The following SRL variants were observed in gnomAD, a reference collection of about 807,000 sequenced individuals.
SRL encodes the protein sarcalumenin.
SRL carries 23 observed loss-of-function variants against 39.5 expected under a neutral mutation model. The observed-to-expected ratio is 0.58, with a 90% CI of 0.42 to 0.82. The LOEUF (loss-of-function observed/expected upper bound fraction) is 0.82. SRL is among the 40% of genes least tolerant of loss of function. The pLI is 0.00. For missense variants in SRL, 592 were observed against 607.8 expected, an observed-to-expected ratio of 0.97 and a Z score of 0.27; for synonymous variants, 272 against 237.4, an observed-to-expected ratio of 1.15 and a Z score of -1.34.
chr16:4,202,984 C>T (rs567676004), intron 3 of SRL, among the ~76,000 whole-genome samples, 182 bp downstream of exon 3: 12 of 152,326 alleles, frequency 7.9e-5, no homozygotes, highest in Non-Finnish European at 1.5e-4. Context: ...ATGGAGGTGT[C>T]GTCCTTTCCA....
intron 1 of SRL, chr16:4,207,040 CG>C: frequency 2.2e-6 from 1 of 452,612 alleles, no homozygotes; most frequent in South Asian, 1.6e-5. Context: ...TGGGACTCCT[CG>C]GCTTCCTGCA....
At chr16:4,205,368 C>A (rs1327757145) in intron 1 of SRL, among the ~76,000 whole-genome samples, 1 of 152,136 alleles carries the variant, frequency 6.6e-6, no homozygotes, top group Non-Finnish European at 1.5e-5. Context: ...TAGGAGAATG[C>A]CTTTTGGCTT....
intron 2 of SRL, among the ~76,000 whole-genome samples, chr16:4,204,047 C>T (rs367560948): frequency 6.6e-5 from 10 of 152,220 alleles, no homozygotes; most frequent in South Asian, 2.1e-4. Flanking sequence ...CTCTACCCCT[C>T]GATCCGCCAC....
intron 1 of SRL, among the ~76,000 whole-genome samples, chr16:4,240,761 C>G (rs13336231): frequency 0.07 from 10,653 of 152,150 alleles, 1,283 homozygotes; most frequent in African/African-American, 0.24. Flanking sequence ...AGCACAGGAG[C>G]GGCCACGAAG....
At chr16:4,209,060 G>C (rs1377321212) in intron 1 of SRL, among the ~76,000 whole-genome samples, 1 of 152,162 alleles carries the variant, frequency 6.6e-6, no homozygotes, top group Non-Finnish European at 1.5e-5. Context: ...ATCACCTGAG[G>C]TTGGGAGTTT....
intron 1 of SRL, among the ~76,000 whole-genome samples, chr16:4,209,198 G>A (rs754385396): frequency 1.5e-4 from 23 of 152,050 alleles, no homozygotes; most frequent in Admixed American, 4.6e-4. Context: ...GACTTGAACC[G>A]GGAGGTGGAG....
chr16:4,239,009 G>A lies in SRL; in HGVS notation c.61+2998C>T, dbSNP rs370501359. On this transcript the variant is annotated intron_variant, in intron 1 of 5. Coordinates refer to ENST00000399609, the MANE Select transcript of SRL (RefSeq NM_001098814.2). The stretch of plus-strand genomic sequence containing the variant: ...ACTGTGGGACCAGATGTCCCCTACA[G>A]GCTTGCCCGGCTGCACCAAATGAGG... Among the ~76,000 whole-genome samples the A allele has an allele frequency of 2.2e-3, 334 of 152,232 alleles. 2 individuals are homozygous for A. Among genetic ancestry groups the A allele is most frequent in the African/African-American group, 7.7e-3 (321 of 41,560 alleles).
chr16:4,227,981 G>T (rs969882449), intron 1 of SRL, among the ~76,000 whole-genome samples: 1 of 152,246 alleles, frequency 6.6e-6, no homozygotes, highest in African/African-American at 2.4e-5. Flanking sequence ...AGGAAGTGAA[G>T]TCATTTGGGG....
At chr16:4,232,564 G>C (rs1232510848) in intron 1 of SRL, among the ~76,000 whole-genome samples, 1 of 151,860 alleles carries the variant, frequency 6.6e-6, no homozygotes, top group Non-Finnish European at 1.5e-5. Context: ...AGACTGGAGT[G>C]CACTGGCACA....
chr16:4,216,081 T>C (rs751093585), intron 1 of SRL, among the ~76,000 whole-genome samples: 3 of 151,688 alleles, frequency 2.0e-5, no homozygotes, highest in Admixed American at 6.6e-5. Flanking sequence ...TTTTAACCCA[T>C]AGAGTCCTGA....
chr16:4,228,480 A>T (rs1281858841), intron 1 of SRL, among the ~76,000 whole-genome samples: 1 of 152,036 alleles, frequency 6.6e-6, no homozygotes, highest in East Asian at 1.9e-4. Flanking sequence ...TCACACCTAC[A>T]ATCCCAGCAC....
At chr16:4,216,287 A>AT (rs1272381331) in intron 1 of SRL, among the ~76,000 whole-genome samples, 1 of 151,872 alleles carries the variant, frequency 6.6e-6, no homozygotes, top group Non-Finnish European at 1.5e-5. Flanking sequence ...GTATTTATTT[A>AT]TTTTTTGAGA....
chr16:4,192,228 C>T lies in SRL; in HGVS notation c.1347G>A (p.Gly449=), dbSNP rs1469443806. 1 of 1,608,694 alleles carries T rather than the reference C, an allele frequency of 6.2e-7. No homozygotes were observed. The highest frequency in any genetic ancestry group is 1.7e-5 in the Admixed American group (1 of 58,904). ...CACAGTTGAGAGCACCTGGATTCTT[C>T]CCGAGCCCGAGGCTACCCAGGAGGC... ...LPGLLGSLGL[G]KNPGALNCDK... Residue 449 remains glycine (G), a synonymous_variant, in exon 6 of 6, where the codon GGG becomes GGA. Transcript: ENST00000399609. The surrounding 1 kb of genome is among the most constrained non-coding windows in gnomAD (Gnocchi z 4.0).
chr16:4,222,360 C>T (rs1412209867), intron 1 of SRL, among the ~76,000 whole-genome samples: 3 of 152,188 alleles, frequency 2.0e-5, no homozygotes, highest in African/African-American at 4.8e-5. Context: ...CTGCAACCTC[C>T]ACCTCCTGGG....
chr16:4,217,578 C>T (rs533140459), intron 1 of SRL, among the ~76,000 whole-genome samples: 1 of 152,168 alleles, frequency 6.6e-6, no homozygotes, highest in South Asian at 2.1e-4. Context: ...GGCGCCCCCA[C>T]CCCCCGCTGT....
At chr16:4,234,286 G>A (rs1413770905) in intron 1 of SRL, among the ~76,000 whole-genome samples, 1 of 152,172 alleles carries the variant, frequency 6.6e-6, no homozygotes, top group Non-Finnish European at 1.5e-5. Flanking sequence ...GAGCCACTGT[G>A]CCTAGCCTAT....
intron 3 of SRL, among the ~76,000 whole-genome samples, chr16:4,199,011 T>C (rs2052186147): frequency 6.6e-6 from 1 of 152,118 alleles, no homozygotes; most frequent in Admixed American, 6.6e-5. Flanking sequence ...ATTGCAGATT[T>C]TCAGGCCTCA....
chr16:4,241,121 G>A (rs1248940775), intron 1 of SRL, among the ~76,000 whole-genome samples: 1 of 152,134 alleles, frequency 6.6e-6, no homozygotes, highest in Non-Finnish European at 1.5e-5. Context: ...CCAGCTTGGG[G>A]GAAGACTGCC....
At chr16:4,193,020 C>G in intron 5 of SRL, 56 bp from the exon 6 acceptor site, 1 of 1,458,862 alleles carries the variant, frequency 6.9e-7, no homozygotes, top group East Asian at 2.3e-5. Context: ...AAAGCCCGCG[C>G]ACCTCCTTTC....
Sources: gnomAD v4.1 joint callset for allele counts (sites outside exome capture counted in the v4.1 genomes callset) on GRCh38, gnomAD v4.1.1 for gene constraint, Gnocchi (gnomAD v3.1) non-coding constraint, MANE v1.5 for transcripts, NCBI Gene and HGNC (gene_info 2026-07-23, HGNC 2026-07-21) for gene names.